CERS6: variants seen among roughly 807,000 people sequenced by gnomAD.
CERS6 encodes ceramide synthase 6, also known as LAG1 homolog, ceramide synthase 6.
CERS6 carries 26 observed loss-of-function variants against 56.8 expected under a neutral mutation model. The observed-to-expected ratio is 0.46, with a 90% CI of 0.34 to 0.63. The LOEUF (loss-of-function observed/expected upper bound fraction) is 0.63, where lower values mean the gene tolerates loss of function less well. Among genes scored for constraint, CERS6 ranks in the 30% least tolerant of loss-of-function variants. The pLI is 0.01. For synonymous variants in CERS6, 164 were observed against 173.3 expected (o/e 0.95, Z 0.42); for missense variants, 415 against 467.5 (o/e 0.89, Z 1.04).
At chr2:168,664,248 CT>C (rs1001334776) in intron 4 of CERS6, among the ~76,000 whole-genome samples, 2 of 152,156 alleles carry the variant, frequency 1.3e-5, no homozygotes, top group African/African-American at 4.8e-5. Flanking sequence ...GGGTAGTCTC[CT>C]CAGAGGCAAG....
At chr2:168,537,733 A>G (rs1695290778) in intron 1 of CERS6, among the ~76,000 whole-genome samples, 1 of 152,102 alleles carries the variant, frequency 6.6e-6, no homozygotes, top group African/African-American at 2.4e-5. Flanking sequence ...CCTTGTTCTT[A>G]TGGGCTTTAT....
chr2:168,566,673 G>A (rs1232327328), intron 3 of CERS6, among the ~76,000 whole-genome samples: 2 of 152,082 alleles, frequency 1.3e-5, no homozygotes, highest in Non-Finnish European at 2.9e-5. Flanking sequence ...CAGGGGAAGG[G>A]AAGTGAGGTC....
At chr2:168,470,782 T>TTGTGTA (rs1693962306) in intron 1 of CERS6, among the ~76,000 whole-genome samples, 1 of 152,170 alleles carries the variant, frequency 6.6e-6, no homozygotes. Context: ...TCAAGTGGTT[T>TTGTGTA]TGTGTATGTG....
chr2:168,564,557 C>T (rs1024414899), intron 3 of CERS6, among the ~76,000 whole-genome samples: 1 of 152,184 alleles, frequency 6.6e-6, no homozygotes, highest in Admixed American at 6.5e-5. Flanking sequence ...AGCCTGATAA[C>T]TAGAATCTGT....
Position 168,456,417 on chromosome 2 carries a change from G to T in CERS6, c.-32G>T. On this transcript the variant is annotated 5_prime_UTR_variant, in exon 1 of 10. Transcript: ENST00000305747. The surrounding 1 kb of genome is among the most constrained non-coding windows in gnomAD (Gnocchi z 4.1). ...CGCGGTGGAGAGCTTGGCGGGCTGC[G>T]GGTGCCGCAGGACAGGAGTGGACAA... 6.5e-7 allele frequency: 1 copy of T among 1,549,242 alleles called. No homozygotes were observed.
rs566046243 is a variant in CERS6 at position 168,769,572 on chromosome 2, G to A, written c.1065G>A (p.Pro355=). 63 of 1,612,414 alleles carry A rather than the reference G, an allele frequency of 3.9e-5. No homozygotes were observed. In the East Asian group the frequency reaches 7.4e-4, roughly 19 times the overall value. ...SSSDEEDSEP[P]GKNPHTATTT... is the part of the protein sequence containing the mutation. ...CAGATGAGGAGGACTCAGAACCTCC[G>A]GGAAAGAATCCCCACACTGCGACAA... The change falls in exon 10 of 10, where the codon CCG becomes CCA. Residue 355 remains proline (P), a synonymous_variant. Coordinates refer to ENST00000305747, the MANE Select transcript of CERS6 (RefSeq NM_203463.3).
intron 9 of CERS6, chr2:168,766,183 A>T: frequency 1.4e-6 from 1 of 732,522 alleles, no homozygotes; most frequent in Non-Finnish European, 2.4e-6. Context: ...CTTTTTGGTT[A>T]AAAGTGGACT....
chr2:168,527,931 G>A (rs1695098982), intron 1 of CERS6, among the ~76,000 whole-genome samples: 1 of 151,936 alleles, frequency 6.6e-6, no homozygotes, highest in Admixed American at 6.6e-5. Flanking sequence ...ATGTTGCCCA[G>A]CCTGGTCTCA....
At chr2:168,486,693 G>A (rs147723944) in intron 1 of CERS6, among the ~76,000 whole-genome samples, 260 of 152,152 alleles carry the variant, frequency 1.7e-3, no homozygotes, top group Non-Finnish European at 3.3e-3. Context: ...CTGCAAATTT[G>A]TAGTACTTGC....
At chr2:168,482,605 G>A (rs1219686205) in intron 1 of CERS6, among the ~76,000 whole-genome samples, 3 of 152,216 alleles carry the variant, frequency 2.0e-5, no homozygotes, top group Non-Finnish European at 2.9e-5. Flanking sequence ...CTGCAATCAG[G>A]CATCTATCTG....
At chr2:168,673,510 G>C (rs953205728) in intron 4 of CERS6, among the ~76,000 whole-genome samples, 10 of 152,194 alleles carry the variant, frequency 6.6e-5, no homozygotes, top group African/African-American at 2.4e-4. Context: ...TGTCTTTTGG[G>C]AGAAAAATGG....
intron 3 of CERS6, among the ~76,000 whole-genome samples, chr2:168,571,197 C>T (rs2105388593): frequency 6.6e-6 from 1 of 152,196 alleles, no homozygotes; most frequent in East Asian, 1.9e-4. Flanking sequence ...TTCATGCTTC[C>T]TTCCTCCCTC....
At chr2:168,734,419 G>A (rs1359127125) in intron 8 of CERS6, among the ~76,000 whole-genome samples, 5 of 152,136 alleles carry the variant, frequency 3.3e-5, no homozygotes, top group African/African-American at 9.7e-5. Flanking sequence ...AGATCTGAGC[G>A]GCACATGTCC....
intron 4 of CERS6, chr2:168,644,098 A>G (rs966083335): frequency 1.0e-4 from 100 of 985,114 alleles, no homozygotes; most frequent in Admixed American, 1.2e-4. Context: ...AACAGCTTAC[A>G]GGCTAATAGG....
chr2:168,520,380 G>C (rs2105355864), intron 1 of CERS6, among the ~76,000 whole-genome samples: 1 of 152,116 alleles, frequency 6.6e-6, no homozygotes, highest in Non-Finnish European at 1.5e-5. Context: ...TCTATAGGTT[G>C]TCTGTTTACT....
intron 1 of CERS6, among the ~76,000 whole-genome samples, chr2:168,497,914 G>C (rs1473293096): frequency 1.3e-5 from 2 of 152,084 alleles, no homozygotes; most frequent in Non-Finnish European, 2.9e-5. Context: ...AAGATGCTTG[G>C]GTAAGTGGAG....
In CERS6 at chr2:168,617,971, C is replaced by T. The variant is rs1371627303; in HGVS notation, c.408-13014C>T. 3.9e-5 allele frequency among the ~76,000 whole-genome samples: 6 copies of T among 152,100 alleles called. No individual in the cohort carries two copies. In the East Asian group the frequency reaches 1.2e-3, roughly 29 times the overall value. The stretch of plus-strand genomic sequence containing the variant: ...CCAATATCCCTGATGAACATACATG[C>T]AAAAATCCTTAACAAAGTACTAGCT... On this transcript the variant is annotated intron_variant, in intron 3 of 9. Coordinates refer to ENST00000305747, the MANE Select transcript of CERS6 (RefSeq NM_203463.3).
Position 168,631,832 on chromosome 2 carries a change from A to ATATTT in CERS6, c.465+793_465+794insTTTAT, listed in dbSNP as rs1268542520. Among the ~76,000 whole-genome samples the ATATTT allele has an allele frequency of 0.011, 1,447 of 131,200 alleles. 46 individuals carry two copies. The East Asian group carries it at 0.12, about 10-fold the overall frequency. 86.1% of individuals were successfully genotyped at this position (131,200 alleles called of 152,430 possible). A position where few individuals can be genotyped will look rare whatever the true frequency, so the allele number is the denominator to read the frequency against. On this transcript the variant is annotated intron_variant, in intron 4 of 9. Transcript: ENST00000305747. The stretch of plus-strand genomic sequence containing the variant: ...TATAATTTATTATATATTATATAAT[A>ATATTT]TATATTATATAATATATATTATATA...
At chr2:168,746,775 G>GTATATATATACA (rs1684107976) in intron 8 of CERS6, among the ~76,000 whole-genome samples, 4 of 39,032 alleles carry the variant, frequency 1.0e-4, no homozygotes, top group African/African-American at 3.1e-4. Flanking sequence ...AGGGTAAAGG[G>GTATATATATACA]TATATATATA....
Sources: allele counts gnomAD v4.1 joint callset (sites outside exome capture counted in the v4.1 genomes callset), GRCh38; gene constraint gnomAD v4.1.1; non-coding constraint Gnocchi (gnomAD v3.1); transcripts MANE v1.5; gene names NCBI Gene and HGNC (gene_info 2026-07-23, HGNC 2026-07-21).